The following PLAAT1 variants were observed in gnomAD, a reference collection of about 807,000 sequenced individuals.
PLAAT1 encodes H-REV107 protein-related protein.
Under a neutral mutation model 16.4 loss-of-function variants are expected in PLAAT1, and 13 were observed. That is an observed-to-expected ratio of 0.79 (90% CI 0.52 to 1.26). The LOEUF is 1.26. Ranked by LOEUF, PLAAT1 falls within the 50% of genes most tolerant of loss-of-function variation. The pLI is 0.00. For missense variants in PLAAT1, 218 were observed against 207.8 expected (o/e 1.05, Z -0.30); for synonymous variants, 73 against 78.4 (o/e 0.93, Z 0.36).
downstream of PLAAT1, among the ~76,000 whole-genome samples, chr3:193,273,069 G>T (rs1446997571): frequency 1.3e-5 from 2 of 152,082 alleles, no homozygotes; most frequent in African/African-American, 4.8e-5. Context: ...AAACCTTATA[G>T]GTTGTAGGAA....
chr3:193,276,743 A>T (rs780029711), intron 2 of PLAAT1: 14 of 1,578,404 alleles, frequency 8.9e-6, no homozygotes, highest in Middle Eastern at 1.7e-4. Context: ...TATAGAGATT[A>T]CTTTACCTCT....
chr3:193,264,965 C>T (rs762026905), intron 3 of PLAAT1, among the ~76,000 whole-genome samples: 36 of 152,154 alleles, frequency 2.4e-4, no homozygotes, highest in Non-Finnish European at 7.4e-5. Flanking sequence ...AATGAGATTT[C>T]GCTTCACACT....
Position 193,270,701 on chromosome 3 carries a change from A to G in PLAAT1, c.503A>G (p.Tyr168Cys), listed in dbSNP as rs750466387. The change falls in exon 4 of 4, where the codon TAT becomes TGT. Residue 168 changes from tyrosine to cysteine, a missense_variant. Coordinates refer to ENST00000264735, the MANE Select transcript of PLAAT1 (RefSeq NM_020386.5). ...CCAAAAGGACAAAGAGCAAAATACT[A>G]TTAACAATTTACCAAAGAGATATTG... ...LFPKGQRAKY[Y>C] The G allele has an allele frequency of 3.3e-5, 54 of 1,612,174 alleles. 1 individual carries two copies. Among genetic ancestry groups the G allele is most frequent in the Non-Finnish European group, 4.5e-5 (53 of 1,178,952 alleles).
chr3:193,242,408 G>C (rs1232914005), intron 1 of PLAAT1, among the ~76,000 whole-genome samples: 2 of 152,100 alleles, frequency 1.3e-5, no homozygotes, highest in African/African-American at 4.8e-5. Flanking sequence ...GGAGAGAGGG[G>C]GAGAAGGTGG....
intron 1 of PLAAT1, among the ~76,000 whole-genome samples, chr3:193,249,173 G>A (rs543284220): frequency 6.6e-6 from 1 of 152,176 alleles, no homozygotes; most frequent in South Asian, 2.1e-4. Flanking sequence ...TCTGTTGAAA[G>A]ATCTGATGGG....
chr3:193,281,036 T>C (rs1298942830), downstream of PLAAT1: 1 of 191,926 alleles, frequency 5.2e-6, no homozygotes. Context: ...TCACTTTATG[T>C]ATATAAATAA....
chr3:193,260,498 T>C (rs890308274), intron 2 of PLAAT1, among the ~76,000 whole-genome samples: 1 of 152,004 alleles, frequency 6.6e-6, no homozygotes, highest in South Asian at 2.1e-4. Context: ...TTTAAATTAA[T>C]CAACATGTAA....
chr3:193,251,053 CA>C (rs35544344), intron 1 of PLAAT1, among the ~76,000 whole-genome samples: 57,133 of 151,886 alleles, frequency 0.38, 12,574 homozygotes, highest in Non-Finnish European at 0.48. Flanking sequence ...CAAGAAGTCT[CA>C]GATCTTTTTT....
At chr3:193,280,479 A>T (rs1231190456), downstream of PLAAT1, among the ~76,000 whole-genome samples, 1 of 152,160 alleles carries the variant, frequency 6.6e-6, no homozygotes, top group Non-Finnish European at 1.5e-5. Flanking sequence ...TATCAACTGG[A>T]CTGTGACCAT....
intron 2 of PLAAT1, among the ~76,000 whole-genome samples, chr3:193,276,244 C>T (rs1577317179): frequency 6.6e-6 from 1 of 152,294 alleles, no homozygotes; most frequent in East Asian, 1.9e-4. Flanking sequence ...AAAGATAATA[C>T]TTGAGCCTCT....
intron 3 of PLAAT1, among the ~76,000 whole-genome samples, chr3:193,265,027 G>T (rs559900304): frequency 1.3e-5 from 2 of 152,322 alleles, no homozygotes; most frequent in East Asian, 3.9e-4. Context: ...AGGAAGTGAA[G>T]AAATTGGAAC....
intron 2 of PLAAT1, among the ~76,000 whole-genome samples, chr3:193,257,623 C>A (rs576388662): frequency 1.3e-5 from 2 of 152,072 alleles, no homozygotes; most frequent in South Asian, 4.1e-4. Flanking sequence ...ATGAGTGATG[C>A]TTAATATCTA....
upstream of PLAAT1, among the ~76,000 whole-genome samples, chr3:193,240,682 T>TGTGTGTGTGTGTGTGTGTGG (rs1182255845): frequency 8.1e-5 from 12 of 148,798 alleles, no homozygotes; most frequent in Non-Finnish European, 1.8e-4. Flanking sequence ...TGTGTGTGTG[T>TGTGTGTGTGTGTGTGTGTGG]GTGGTTGGAG....
downstream of PLAAT1, chr3:193,281,081 T>C (rs9291052): frequency 1.9e-4 from 99 of 510,838 alleles, 1 homozygote; most frequent in African/African-American, 2.0e-3. Flanking sequence ...GGGAAGGGTA[T>C]GAGGCAGACA....
At chr3:193,255,004 A>G (rs964358513) in intron 1 of PLAAT1, among the ~76,000 whole-genome samples, 2 of 152,154 alleles carry the variant, frequency 1.3e-5, no homozygotes, top group African/African-American at 2.4e-5. Context: ...TAGGTTTTGT[A>G]ATATATGGCA....
intron 1 of PLAAT1, among the ~76,000 whole-genome samples, chr3:193,252,939 A>G (rs1273483761): frequency 8.0e-6 from 1 of 125,152 alleles, no homozygotes; most frequent in Non-Finnish European, 1.9e-5. Flanking sequence ...CTGGGGTCCC[A>G]GGAAGCCTCA....
chr3:193,263,055 G>C lies in PLAAT1; in HGVS notation c.225G>C (p.Val75=). The change falls in exon 3 of 4, where the codon GTG becomes GTC. Residue 75 remains valine, a synonymous_variant. Coordinates refer to ENST00000264735, the MANE Select transcript of PLAAT1 (RefSeq NM_020386.5). The stretch of plus-strand genomic sequence containing the variant: ...AAATGCAGCTCTTGAAGGATGTTGT[G>C]GGAAATGACACATACAGAATAAACA... ...LVKMQLLKDV[V]GNDTYRINNK... is the part of the protein sequence containing the mutation. 6.2e-7 allele frequency: 1 copy of C among 1,614,110 alleles called. No homozygotes were observed. Among genetic ancestry groups the C allele is most frequent in the Non-Finnish European group, 8.5e-7 (1 of 1,180,010 alleles).
At chr3:193,277,864 C>T (rs1270306358), downstream of PLAAT1, 2 of 152,278 alleles carry the variant, frequency 1.3e-5, no homozygotes, top group Non-Finnish European at 2.9e-5. Flanking sequence ...GAGTCTCGCT[C>T]TCTCAGGCTG....
chr3:193,272,484 A>G (rs1717014553), downstream of PLAAT1, among the ~76,000 whole-genome samples: 1 of 152,128 alleles, frequency 6.6e-6, no homozygotes, highest in African/African-American at 2.4e-5. Flanking sequence ...CCAGTTTTCT[A>G]GTATTGTCAA....
Sources: allele counts gnomAD v4.1 joint callset (sites outside exome capture counted in the v4.1 genomes callset), GRCh38; gene constraint gnomAD v4.1.1; transcripts MANE v1.5; gene names NCBI Gene and HGNC (gene_info 2026-07-23, HGNC 2026-07-21).